The following PRR5 variants were observed in gnomAD, a reference collection of about 807,000 sequenced individuals.
PRR5 encodes proline rich 5.
In PRR5, 25 loss-of-function variants were observed where a neutral mutation model predicts 30.6. The ratio of observed to expected loss-of-function variants is 0.82; its 90% CI spans 0.60 to 1.14. PRR5 has a LOEUF of 1.14. PRR5 is among the 50% of genes most tolerant of loss of function. The pLI is 0.00. For synonymous variants in PRR5, 286 were observed against 247.1 expected (o/e 1.16, Z -1.48); for missense variants, 600 against 547.1 (o/e 1.10, Z -0.96).
chr22:44,708,835 T>C (rs2147045630), intron 1 of PRR5, among the ~76,000 whole-genome samples: 1 of 151,560 alleles, frequency 6.6e-6, no homozygotes, highest in Admixed American at 6.6e-5. Flanking sequence ...AGCGTGGTGG[T>C]GGGCGCCTGT....
chr22:44,712,592 C>T (rs1024463896), intron 1 of PRR5, among the ~76,000 whole-genome samples: 6 of 152,320 alleles, frequency 3.9e-5, no homozygotes, highest in African/African-American at 7.2e-5. Context: ...ACTTAGCCAC[C>T]TGGGCCTTGG....
upstream of PRR5, chr22:44,702,152 G>GC (rs1023573355): frequency 1.7e-5 from 4 of 237,806 alleles, no homozygotes; most frequent in Non-Finnish European, 2.8e-5. Context: ...TCCCCGCCCC[G>GC]CCCCCCGGGG....
At chr22:44,728,962 G>T (rs11912201) in intron 4 of PRR5, among the ~76,000 whole-genome samples, 2 of 152,182 alleles carry the variant, frequency 1.3e-5, no homozygotes, top group Non-Finnish European at 2.9e-5. Flanking sequence ...AGACTGGACC[G>T]CGGCCGGGGT....
upstream of PRR5, among the ~76,000 whole-genome samples, chr22:44,672,798 C>G (rs897031826): frequency 1.3e-5 from 2 of 152,176 alleles, no homozygotes; most frequent in African/African-American, 4.8e-5. Flanking sequence ...AGCCAGCCCA[C>G]GAGGTGGGCG....
upstream of PRR5, among the ~76,000 whole-genome samples, chr22:44,700,985 C>T (rs150003498): frequency 2.0e-3 from 305 of 152,282 alleles, 2 homozygotes; most frequent in Non-Finnish European, 3.8e-3. Context: ...CAGGTTCAAG[C>T]GATTCTCCTG....
At chr22:44,713,527 CT>C (rs1715617275) in intron 1 of PRR5, among the ~76,000 whole-genome samples, 1 of 152,224 alleles carries the variant, frequency 6.6e-6, no homozygotes, top group South Asian at 2.1e-4. Context: ...GCCAGCGCAC[CT>C]GGCCTGGTTT....
At chr22:44,719,064 C>A (rs929217862) in intron 2 of PRR5, among the ~76,000 whole-genome samples, 1 of 151,256 alleles carries the variant, frequency 6.6e-6, no homozygotes, top group African/African-American at 2.4e-5. Context: ...TCCTAAGGTA[C>A]AGAAATGAAC....
intron 1 of PRR5, among the ~76,000 whole-genome samples, chr22:44,677,766 G>C (rs1923894329): frequency 6.6e-6 from 1 of 152,194 alleles, no homozygotes; most frequent in Non-Finnish European, 1.5e-5. Context: ...TGGACAGGTT[G>C]CTTCACCTCT....
chr22:44,713,918 C>T (rs1427328566), intron 1 of PRR5, among the ~76,000 whole-genome samples: 3 of 152,244 alleles, frequency 2.0e-5, no homozygotes, highest in African/African-American at 7.2e-5. Flanking sequence ...ACTCTCCTGC[C>T]TCAGCCTCCC....
intron 1 of PRR5, among the ~76,000 whole-genome samples, chr22:44,682,707 C>A (rs910564739): frequency 6.6e-6 from 1 of 152,142 alleles, no homozygotes; most frequent in Non-Finnish European, 1.5e-5. Flanking sequence ...ACGGGAATGT[C>A]GCAGAGACAA....
intron 1 of PRR5, among the ~76,000 whole-genome samples, chr22:44,679,019 A>G (rs1026406911): frequency 6.6e-6 from 1 of 152,188 alleles, no homozygotes; most frequent in South Asian, 2.1e-4. Context: ...AGAGACTGCC[A>G]TGGGAGTCAG....
intron 6 of PRR5, among the ~76,000 whole-genome samples, chr22:44,733,076 A>G (rs968543410): frequency 6.6e-6 from 1 of 152,256 alleles, no homozygotes; most frequent in African/African-American, 2.4e-5. Context: ...ACAGTGTCCC[A>G]GTCATTTCTG....
At position 44,737,297 on chromosome 22, in the gene PRR5, G is replaced by C; in HGVS notation, c.*50G>C. 1 of 1,549,782 alleles carries C rather than the reference G, an allele frequency of 6.5e-7. No homozygotes were observed. Among genetic ancestry groups the C allele is most frequent in the Non-Finnish European group, 8.7e-7 (1 of 1,144,992 alleles). On this transcript the variant is annotated 3_prime_UTR_variant, in exon 8 of 8. Coordinates refer to ENST00000336985, the MANE Select transcript of PRR5 (RefSeq NM_181333.4). ...TTACTGACACGTCCCTGTGTGCGGG[G>C]GTGTCCATGTGGCGTGTGTGTGAGT...
At chr22:44,729,639 C>T (rs1921555916) in intron 4 of PRR5, 1 of 985,362 alleles carries the variant, frequency 1.0e-6, no homozygotes, top group Admixed American at 6.1e-5. Flanking sequence ...ATACCTGCCT[C>T]CGACTAACCC....
intron 1 of PRR5, among the ~76,000 whole-genome samples, chr22:44,706,772 C>T (rs1927272027): frequency 6.6e-6 from 1 of 152,156 alleles, no homozygotes; most frequent in African/African-American, 2.4e-5. Flanking sequence ...AAGCAATCCA[C>T]CTGCCTCAGT....
intron 1 of PRR5, among the ~76,000 whole-genome samples, chr22:44,678,282 A>ATTTT (rs370441019): frequency 7.6e-6 from 1 of 132,152 alleles, no homozygotes; most frequent in Non-Finnish European, 1.6e-5. Context: ...GCCTAGTCTG[A>ATTTT]TTTTTTTTTG....
chr22:44,736,257 TC>T (rs934392701), intron 7 of PRR5, among the ~76,000 whole-genome samples: 1 of 152,206 alleles, frequency 6.6e-6, no homozygotes, highest in Non-Finnish European at 1.5e-5. Flanking sequence ...CAGGATGGAA[TC>T]CCCGCCTTGA....
At chr22:44,723,325 A>G (rs916412294) in intron 2 of PRR5, among the ~76,000 whole-genome samples, 17 of 152,190 alleles carry the variant, frequency 1.1e-4, no homozygotes, top group African/African-American at 4.1e-4. Context: ...CTGTTGGTCT[A>G]TTGGTTATAA....
intron 2 of PRR5, among the ~76,000 whole-genome samples, chr22:44,718,968 C>T (rs1034458): frequency 0.35 from 52,802 of 152,044 alleles, 9,430 homozygotes; most frequent in South Asian, 0.56. Context: ...ATTTCTGTGT[C>T]CTTTGAAGCA....
Sources: gnomAD v4.1 joint callset for allele counts (sites outside exome capture counted in the v4.1 genomes callset) on GRCh38, gnomAD v4.1.1 for gene constraint, MANE v1.5 for transcripts, NCBI Gene and HGNC (gene_info 2026-07-23, HGNC 2026-07-21) for gene names.